DNAJC5B: variants seen among roughly 807,000 people sequenced by gnomAD.
DNAJC5B encodes the protein dnaJ homolog subfamily C member 5B.
DNAJC5B carries 23 observed loss-of-function variants against 24.7 expected under a neutral mutation model. The observed-to-expected ratio is 0.93, with a 90% CI of 0.67 to 1.32. The LOEUF is 1.32. DNAJC5B is among the 40% of genes most tolerant of loss of function. The probability of loss-of-function intolerance (pLI) is 0.00; values close to 1 mark genes in which losing one functional copy is unlikely to be tolerated. For missense variants in DNAJC5B, 238 were observed against 240.8 expected, an observed-to-expected ratio of 0.99 and a Z score of 0.08; for synonymous variants, 101 against 90.1, an observed-to-expected ratio of 1.12 and a Z score of -0.68.
At chr8:66,030,092 A>G (rs1449621466) in intron 1 of DNAJC5B, among the ~76,000 whole-genome samples, 1 of 152,164 alleles carries the variant, frequency 6.6e-6, no homozygotes, top group Non-Finnish European at 1.5e-5. Flanking sequence ...TGCCCTTCAT[A>G]GTGTAAATGT....
upstream of DNAJC5B, among the ~76,000 whole-genome samples, chr8:66,020,641 TG>T (rs1806091584): frequency 7.0e-6 from 1 of 143,156 alleles, no homozygotes; most frequent in Non-Finnish European, 1.6e-5. Flanking sequence ...TGTGTGTGTG[TG>T]TGTGTGTGTG....
intron 2 of DNAJC5B, among the ~76,000 whole-genome samples, chr8:66,050,142 A>G (rs1324791339): frequency 6.6e-6 from 1 of 152,218 alleles, no homozygotes; most frequent in Non-Finnish European, 1.5e-5. Flanking sequence ...CATTCAACTT[A>G]AAGGCAGAGT....
intron 1 of DNAJC5B, 77 bp downstream of exon 1, chr8:66,021,782 A>T (rs923434629): frequency 1.3e-5 from 2 of 152,242 alleles, no homozygotes; most frequent in Non-Finnish European, 2.9e-5. Flanking sequence ...GGGTAATGTA[A>T]GGTTCCACAC....
Position 66,076,824 on chromosome 8 carries a change from G to C in DNAJC5B, c.284G>C (p.Gly95Ala), listed in dbSNP as rs1244351338. 1 of 1,614,172 alleles carries C rather than the reference G, an allele frequency of 6.2e-7. No individual in the cohort carries two copies. The highest frequency in any genetic ancestry group is 8.5e-7 in the Non-Finnish European group (1 of 1,180,026). Reference sequence around the variant, plus strand: ...GGACTCTACGTGGCCGAGCAGTTTGGAGACGAAAACGTTAACACCTACTTC... The same window carrying C: ...GGACTCTACGTGGCCGAGCAGTTTGCAGACGAAAACGTTAACACCTACTTC... The part of the protein sequence containing the change: ...SLGLYVAEQF[G>A]DENVNTYFML... The change falls in exon 4 of 6, where the codon GGA becomes GCA. Residue 95 changes from glycine to alanine, a missense_variant. Coordinates refer to ENST00000276570, the MANE Select transcript of DNAJC5B (RefSeq NM_033105.6).
At chr8:66,049,637 G>A (rs573212254) in intron 2 of DNAJC5B, among the ~76,000 whole-genome samples, 17 of 152,248 alleles carry the variant, frequency 1.1e-4, no homozygotes, top group South Asian at 8.3e-4. Flanking sequence ...TGCATTTCTC[G>A]GAACATAGCC....
At chr8:66,016,496 A>G in the DNAJC5B span, among the ~76,000 whole-genome samples, 4 of 152,282 alleles carry the variant, frequency 2.6e-5, no homozygotes, top group South Asian at 4.1e-4. Context: ...AAGTTTCCTG[A>G]GGCCTCCCCA....
chr8:66,061,906 G>A (rs1332326944), intron 3 of DNAJC5B, among the ~76,000 whole-genome samples: 3 of 152,112 alleles, frequency 2.0e-5, no homozygotes, highest in African/African-American at 4.8e-5. Flanking sequence ...ACATCCCACC[G>A]AGAGTGATGA....
At chr8:66,072,561 A>G (rs1807373676) in intron 3 of DNAJC5B, among the ~76,000 whole-genome samples, 1 of 152,204 alleles carries the variant, frequency 6.6e-6, no homozygotes, top group Non-Finnish European at 1.5e-5. Context: ...TCTAACAGCA[A>G]TGCAATTATG....
At chr8:66,040,043 A>C (rs963386557) in intron 1 of DNAJC5B, among the ~76,000 whole-genome samples, 1 of 152,228 alleles carries the variant, frequency 6.6e-6, no homozygotes, top group Non-Finnish European at 1.5e-5. Context: ...AAGAGATAAA[A>C]AGTAAAATGG....
intron 2 of DNAJC5B, among the ~76,000 whole-genome samples, chr8:66,045,124 T>G (rs932177217): frequency 3.9e-5 from 6 of 152,168 alleles, no homozygotes; most frequent in African/African-American, 1.4e-4. Context: ...GCAGAAAAAG[T>G]AGTGTGTTGT....
intron 2 of DNAJC5B, among the ~76,000 whole-genome samples, chr8:66,050,066 G>A (rs1463418573): frequency 2.0e-5 from 3 of 152,158 alleles, no homozygotes; most frequent in Non-Finnish European, 2.9e-5. Context: ...AATCTGTTGG[G>A]TTTGAATATC....
intron 3 of DNAJC5B, among the ~76,000 whole-genome samples, chr8:66,069,040 A>T (rs1807287520): frequency 6.6e-6 from 1 of 152,084 alleles, no homozygotes; most frequent in African/African-American, 2.4e-5. Flanking sequence ...GAAAACTGTG[A>T]ATTAATCCCC....
upstream of DNAJC5B, among the ~76,000 whole-genome samples, chr8:66,018,231 G>C (rs6983945): frequency 0.47 from 71,389 of 152,076 alleles, 21,544 homozygotes; most frequent in African/African-American, 0.86. Context: ...GTTTTAACAA[G>C]TCCTCAGCCG....
intron 1 of DNAJC5B, among the ~76,000 whole-genome samples, chr8:66,027,057 C>T (rs866125314): frequency 6.6e-6 from 1 of 152,174 alleles, no homozygotes; most frequent in Admixed American, 6.5e-5. Flanking sequence ...TCCTTTCAAG[C>T]CACTCCTCGT....
At chr8:66,033,090 C>T (rs1806395204) in intron 1 of DNAJC5B, among the ~76,000 whole-genome samples, 1 of 152,206 alleles carries the variant, frequency 6.6e-6, no homozygotes, top group African/African-American at 2.4e-5. Context: ...CATCCGTATC[C>T]CAGTCCAGTG....
At chr8:66,036,537 G>A (rs1806488638) in intron 1 of DNAJC5B, among the ~76,000 whole-genome samples, 1 of 152,324 alleles carries the variant, frequency 6.6e-6, no homozygotes, top group South Asian at 2.1e-4. Context: ...GATATTTCCA[G>A]GAGTGTTTTC....
chr8:66,033,690 C>A (rs1031754335), intron 1 of DNAJC5B, among the ~76,000 whole-genome samples: 3 of 151,608 alleles, frequency 2.0e-5, no homozygotes, highest in Non-Finnish European at 4.4e-5. Context: ...CCGAACACTT[C>A]CACAAGGAAA....
chr8:66,088,655 G>C (rs976775856), intron 5 of DNAJC5B, among the ~76,000 whole-genome samples: 5 of 152,132 alleles, frequency 3.3e-5, no homozygotes, highest in African/African-American at 9.7e-5. Context: ...TTGCTGCTTA[G>C]AAATTTCTTC....
chr8:66,028,627 G>A (rs554404607), intron 1 of DNAJC5B, among the ~76,000 whole-genome samples: 17 of 152,172 alleles, frequency 1.1e-4, no homozygotes, highest in Non-Finnish European at 2.4e-4. Flanking sequence ...TCTGATCCCC[G>A]AGTCACTCTC....
Sources: allele counts gnomAD v4.1 joint callset (sites outside exome capture counted in the v4.1 genomes callset), GRCh38; gene constraint gnomAD v4.1.1; transcripts MANE v1.5; gene names NCBI Gene and HGNC (gene_info 2026-07-23, HGNC 2026-07-21).